ESRRG: variants seen among roughly 807,000 people sequenced by gnomAD.
ESRRG encodes estrogen-related receptor gamma.
Under a neutral mutation model 44.0 loss-of-function variants are expected in ESRRG, and 13 were observed. The observed-to-expected ratio is 0.30, with a 90% CI of 0.19 to 0.47. The LOEUF (loss-of-function observed/expected upper bound fraction) is 0.47, where lower values mean the gene tolerates loss of function less well. ESRRG is among the 20% of genes least tolerant of loss of function. ESRRG has a pLI of 1.00. For missense variants in ESRRG, 395 were observed against 580.6 expected, an observed-to-expected ratio of 0.68 and a Z score of 3.29; for synonymous variants, 215 against 214.6, an observed-to-expected ratio of 1.00 and a Z score of -0.02.
intron 1 of ESRRG, among the ~76,000 whole-genome samples, chr1:216,722,980 T>A (rs1575765051): frequency 6.6e-6 from 1 of 152,184 alleles, no homozygotes; most frequent in East Asian, 1.9e-4. Flanking sequence ...AGCACCTGAA[T>A]AAGAAGTGAC....
chr1:216,872,652 A>T (rs2096274394), intron 2 of ESRRG, among the ~76,000 whole-genome samples: 1 of 151,894 alleles, frequency 6.6e-6, no homozygotes, highest in African/African-American at 2.4e-5. Context: ...TTTCCATTTG[A>T]TTTTTCTTTC....
chr1:216,957,390 T>G (rs1318517075), intron 1 of ESRRG, among the ~76,000 whole-genome samples: 1 of 152,182 alleles, frequency 6.6e-6, no homozygotes, highest in Non-Finnish European at 1.5e-5. Context: ...CACATTTATT[T>G]GGATCGAATA....
chr1:217,111,917 C>T (rs1212715663), intron 1 of ESRRG, among the ~76,000 whole-genome samples: 1 of 152,142 alleles, frequency 6.6e-6, no homozygotes, highest in Non-Finnish European at 1.5e-5. Context: ...GAAACATTGC[C>T]ACTTGCATCC....
intron 1 of ESRRG, among the ~76,000 whole-genome samples, chr1:216,972,691 C>T (rs116409805): frequency 0.013 from 1,984 of 152,246 alleles, 16 homozygotes; most frequent in Non-Finnish European, 0.02. Context: ...GTCTGCTCTG[C>T]CAATGACTGG....
chr1:217,041,367 A>T (rs2083832613), intron 1 of ESRRG, among the ~76,000 whole-genome samples: 1 of 152,228 alleles, frequency 6.6e-6, no homozygotes, highest in Admixed American at 6.5e-5. Flanking sequence ...ATTCATAGCA[A>T]GTTGGTATAA....
intron 1 of ESRRG, among the ~76,000 whole-genome samples, chr1:217,040,412 TC>T (rs1286500014): frequency 2.6e-5 from 4 of 152,054 alleles, no homozygotes; most frequent in Non-Finnish European, 5.9e-5. Flanking sequence ...GAGAAAAATA[TC>T]CCCCTTTTTT....
At chr1:217,104,348 A>G (rs1160379449) in intron 1 of ESRRG, among the ~76,000 whole-genome samples, 2 of 152,234 alleles carry the variant, frequency 1.3e-5, no homozygotes, top group Non-Finnish European at 2.9e-5. Context: ...GGAAAGGAGC[A>G]AATAGTAAGC....
At chr1:217,088,507 G>A (rs531574472) in intron 1 of ESRRG, among the ~76,000 whole-genome samples, 146 of 137,748 alleles carry the variant, frequency 1.1e-3, no homozygotes, top group South Asian at 1.9e-3. Context: ...GTGTGTGTCT[G>A]TGTCTTATTG....
chr1:216,513,216 AAGAG>A, intron 6 of ESRRG, among the ~76,000 whole-genome samples: 1 of 152,098 alleles, frequency 6.6e-6, no homozygotes, highest in East Asian at 1.9e-4. Flanking sequence ...TATAGATAAA[AAGAG>A]AGAGAGAAAG....
At chr1:216,910,684 T>C (rs373133180) in intron 2 of ESRRG, among the ~76,000 whole-genome samples, 91 of 152,298 alleles carry the variant, frequency 6.0e-4, no homozygotes, top group African/African-American at 2.2e-3. Context: ...AATGCTTTCT[T>C]TGTTACGATG....
At chr1:216,658,706 G>A (rs145714235) in intron 2 of ESRRG, among the ~76,000 whole-genome samples, 2,512 of 150,904 alleles carry the variant, frequency 0.017, 60 homozygotes, top group African/African-American at 0.056. Flanking sequence ...GGTTGTGTGC[G>A]CCTGTAATCC....
chr1:216,612,458 A>G (rs1034378768), intron 3 of ESRRG, among the ~76,000 whole-genome samples: 3 of 152,200 alleles, frequency 2.0e-5, no homozygotes, highest in African/African-American at 7.2e-5. Flanking sequence ...GAAGTCATCC[A>G]AAGAAACTTG....
chr1:216,917,337 G>C (rs534748974), intron 2 of ESRRG, among the ~76,000 whole-genome samples: 9 of 152,138 alleles, frequency 5.9e-5, no homozygotes, highest in African/African-American at 2.2e-4. Flanking sequence ...ACGAGTGTGA[G>C]TATAAAAGAC....
intron 1 of ESRRG, among the ~76,000 whole-genome samples, chr1:216,953,438 T>C (rs1276720487): frequency 6.6e-6 from 1 of 152,188 alleles, no homozygotes; most frequent in East Asian, 1.9e-4. Flanking sequence ...CAGGCTTTTT[T>C]TCCCATCATT....
At chr1:216,575,937 A>G (rs1157789362) in intron 3 of ESRRG, among the ~76,000 whole-genome samples, 1 of 152,106 alleles carries the variant, frequency 6.6e-6, no homozygotes, top group Non-Finnish European at 1.5e-5. Context: ...TCACTTTATA[A>G]GGTGATTTCA....
chr1:216,956,993 A>C (rs2068071126), intron 1 of ESRRG, among the ~76,000 whole-genome samples: 1 of 152,220 alleles, frequency 6.6e-6, no homozygotes, highest in Non-Finnish European at 1.5e-5. Context: ...AAGGCAGGTT[A>C]TGAAAAGCAT....
At chr1:216,618,774 G>A (rs1558844924) in intron 3 of ESRRG, among the ~76,000 whole-genome samples, 1 of 152,196 alleles carries the variant, frequency 6.6e-6, no homozygotes, top group African/African-American at 2.4e-5. Context: ...AAGGTTAGGA[G>A]TGATCACTGT....
intron 1 of ESRRG, among the ~76,000 whole-genome samples, chr1:217,135,993 A>G (rs2102558843): frequency 6.6e-6 from 1 of 151,994 alleles, no homozygotes; most frequent in African/African-American, 2.4e-5. Context: ...TGGGAGAGAG[A>G]GATGAAATTT....
rs372497061 is a variant in ESRRG at position 216,586,296 on chromosome 1, C to T, written c.590-18198G>A. ...AATTTTTTAAGACGCTGGAATAAAA[C>T]TTACTTCTACAATATTTCAAAATAA... On this transcript the variant is annotated intron_variant, in intron 3 of 6. Coordinates refer to ENST00000408911, the MANE Select transcript of ESRRG (RefSeq NM_001438.4). 3.9e-5 allele frequency among the ~76,000 whole-genome samples: 6 copies of T among 152,210 alleles called. No individual in the cohort carries two copies. In the East Asian group the frequency reaches 1.2e-3, roughly 29 times the overall value.
Sources: gnomAD v4.1 joint callset for allele counts (sites outside exome capture counted in the v4.1 genomes callset) on GRCh38, gnomAD v4.1.1 for gene constraint, MANE v1.5 for transcripts, NCBI Gene and HGNC (gene_info 2026-07-23, HGNC 2026-07-21) for gene names.